Variants in SOX5 observed in about 807,000 individuals in gnomAD.
SOX5 encodes transcription factor SOX-5.
A neutral mutation model predicts 92.0 loss-of-function variants in SOX5; 9 were observed. The ratio of observed to expected loss-of-function variants is 0.10; its 90% CI spans 0.06 to 0.17. The LOEUF is 0.17. Among genes scored for constraint, SOX5 ranks in the 10% least tolerant of loss-of-function variants. The pLI, the probability that SOX5 is intolerant of heterozygous loss-of-function variation, is 1.00. For synonymous variants in SOX5, 344 were observed against 336.3 expected (o/e 1.02, Z -0.25); for missense variants, 642 against 944.5 (o/e 0.68, Z 4.20).
chr12:24,019,430 A>C (rs1480146928), intron 4 of SOX5, among the ~76,000 whole-genome samples: 1 of 152,340 alleles, frequency 6.6e-6, no homozygotes, highest in East Asian at 1.9e-4. Context: ...ACAGATATAT[A>C]GAATTATAAA....
intron 10 of SOX5, among the ~76,000 whole-genome samples, chr12:23,572,473 T>C (rs1948527345): frequency 6.6e-6 from 1 of 150,932 alleles, no homozygotes; most frequent in Non-Finnish European, 1.5e-5. Flanking sequence ...AAAAAAGAGA[T>C]GTTTTAGTAG....
chr12:23,942,730 A>T (rs1005166150), intron 1 of SOX5, among the ~76,000 whole-genome samples: 22 of 150,504 alleles, frequency 1.5e-4, no homozygotes, highest in African/African-American at 5.4e-4. Context: ...AATGCATCTG[A>T]TCCTTAGGTT....
intron 1 of SOX5, among the ~76,000 whole-genome samples, chr12:23,928,880 G>T (rs1288938894): frequency 6.6e-6 from 1 of 151,778 alleles, no homozygotes; most frequent in Non-Finnish European, 1.5e-5. Context: ...TTGTATGGGT[G>T]TTTAATTTTT....
intron 4 of SOX5, among the ~76,000 whole-genome samples, chr12:24,212,768 C>A (rs1958769358): frequency 6.6e-6 from 1 of 152,158 alleles, no homozygotes; most frequent in Admixed American, 6.5e-5. Context: ...CTATTGAGAT[C>A]TTTTATTTAC....
intron 1 of SOX5, among the ~76,000 whole-genome samples, chr12:24,480,725 G>A (rs1945894745): frequency 1.3e-5 from 2 of 151,594 alleles, no homozygotes; most frequent in South Asian, 4.2e-4. Flanking sequence ...TCTTACCCCA[G>A]TTAAAATGAC....
chr12:23,603,442 T>TAA (rs1337986189), intron 9 of SOX5, among the ~76,000 whole-genome samples: 4 of 109,726 alleles, frequency 3.6e-5, no homozygotes, highest in Non-Finnish European at 7.5e-5. Context: ...AATATATATA[T>TAA]AAAATATATA....
intron 4 of SOX5, among the ~76,000 whole-genome samples, chr12:24,087,068 A>G (rs1023677110): frequency 5.9e-5 from 9 of 152,062 alleles, no homozygotes; most frequent in Non-Finnish European, 1.2e-4. Flanking sequence ...TTAACTCAGT[A>G]CTAAGGGCTC....
intron 2 of SOX5, among the ~76,000 whole-genome samples, chr12:24,362,502 C>T (rs186106460): frequency 2.0e-5 from 3 of 152,060 alleles, no homozygotes; most frequent in Non-Finnish European, 2.9e-5. Flanking sequence ...CTTAAGAGGG[C>T]GTGGGGAGAG....
intron 4 of SOX5, among the ~76,000 whole-genome samples, chr12:23,993,463 A>G (rs2136283609): frequency 6.6e-6 from 1 of 152,260 alleles, no homozygotes. Context: ...AAGCAAGTCA[A>G]TGCTGTAAAA....
At chr12:24,206,815 G>T (rs1051010411) in intron 4 of SOX5, among the ~76,000 whole-genome samples, 1 of 152,148 alleles carries the variant, frequency 6.6e-6, no homozygotes, top group African/African-American at 2.4e-5. Context: ...CTTCCCTGTG[G>T]CTTGTATTTT....
intron 1 of SOX5, among the ~76,000 whole-genome samples, chr12:24,370,073 G>A (rs937877679): frequency 2.0e-5 from 3 of 152,138 alleles, no homozygotes; most frequent in African/African-American, 7.2e-5. Context: ...AAAGTGAATG[G>A]TAGTAACATT....
intron 2 of SOX5, among the ~76,000 whole-genome samples, chr12:24,303,465 G>C (rs967207351): frequency 2.6e-5 from 4 of 152,112 alleles, no homozygotes; most frequent in Non-Finnish European, 4.4e-5. Context: ...ACTGGCAATA[G>C]GTGCTCTATT....
rs751438853 is a variant in SOX5 at position 24,074,885 on chromosome 12, TTTG to T, written c.-2+138455_-2+138457del. The stretch of plus-strand genomic sequence containing the variant: ...TCTTTGGATTACTTTCTTTTGTTTT[TTTG>T]TTTGTTTGTTTTATTTTGTTTTTTT... On this transcript the variant is annotated intron_variant, in intron 4 of 4. Coordinates refer to the SOX5 transcript ENST00000446891. Among the ~76,000 whole-genome samples, 492 of 150,714 alleles carry T rather than the reference TTTG, an allele frequency of 3.3e-3. 4 individuals carry two copies. Among genetic ancestry groups the T allele is most frequent in the Non-Finnish European group, 5.9e-3 (400 of 67,530 alleles).
At chr12:24,280,390 C>T (rs966396808) in intron 2 of SOX5, among the ~76,000 whole-genome samples, 38 of 152,206 alleles carry the variant, frequency 2.5e-4, no homozygotes, top group African/African-American at 7.5e-4. Flanking sequence ...GGTGCTTTGA[C>T]GGGTCTCTGT....
chr12:24,499,709 C>T (rs1170960214), intron 1 of SOX5, among the ~76,000 whole-genome samples: 3 of 150,280 alleles, frequency 2.0e-5, no homozygotes, highest in East Asian at 3.9e-4. Context: ...GCGAAGGATG[C>T]TAATAACACT....
chr12:23,625,733 C>A (rs1370183263), intron 8 of SOX5, among the ~76,000 whole-genome samples: 3 of 152,178 alleles, frequency 2.0e-5, no homozygotes, highest in African/African-American at 7.2e-5. Flanking sequence ...CCTCAGCCTC[C>A]TGAGTAGCTG....
At chr12:24,163,772 T>C (rs958129070) in intron 4 of SOX5, among the ~76,000 whole-genome samples, 1 of 152,084 alleles carries the variant, frequency 6.6e-6, no homozygotes, top group African/African-American at 2.4e-5. Context: ...TCAGTGCTTT[T>C]ATCTGCTTTA....
At chr12:24,244,048 T>TAAA (rs3031151) in intron 3 of SOX5, among the ~76,000 whole-genome samples, 2 of 131,598 alleles carry the variant, frequency 1.5e-5, no homozygotes, top group Non-Finnish European at 3.4e-5. Context: ...GGCATATTGA[T>TAAA]AAAAAAAAAA....
chr12:23,540,378 TAATAATAATAATAATAATAATAATAA>T (rs1941718315), intron 13 of SOX5, among the ~76,000 whole-genome samples: 2 of 121,208 alleles, frequency 1.7e-5, no homozygotes, highest in African/African-American at 9.6e-5. Context: ...ATAATAATAA[TAATAATAATAATAATAATAATAATAA>T]AAAGCAGAGA....
Sources: gnomAD v4.1 joint callset for allele counts (sites outside exome capture counted in the v4.1 genomes callset) on GRCh38, gnomAD v4.1.1 for gene constraint, MANE v1.5 for transcripts, NCBI Gene and HGNC (gene_info 2026-07-23, HGNC 2026-07-21) for gene names.